The following KAT2B variants were observed in gnomAD, a reference collection of about 807,000 sequenced individuals.
KAT2B encodes the protein lysine acetyltransferase 2B, also known as histone acetyltransferase KAT2B.
In KAT2B, 36 loss-of-function variants were observed where a neutral mutation model predicts 105.9. The observed-to-expected ratio is 0.34, with a 90% CI of 0.26 to 0.45. The LOEUF is 0.45. Among genes scored for constraint, KAT2B ranks in the 20% least tolerant of loss-of-function variants. The pLI, the probability that KAT2B is intolerant of heterozygous loss-of-function variation, is 1.00. For synonymous variants in KAT2B, 397 were observed against 377.9 expected (o/e 1.05, Z -0.59); for missense variants, 820 against 1,021.6 (o/e 0.80, Z 2.69).
chr3:20,083,232 T>C (rs1298239975), intron 2 of KAT2B, among the ~76,000 whole-genome samples: 2 of 149,910 alleles, frequency 1.3e-5, no homozygotes, highest in African/African-American at 5.1e-5. Flanking sequence ...TTGTAGTTTA[T>C]AGATTTTTAT....
intron 7 of KAT2B, among the ~76,000 whole-genome samples, chr3:20,117,421 A>G (rs574182836): frequency 6.6e-6 from 1 of 152,346 alleles, no homozygotes; most frequent in South Asian, 2.1e-4. Context: ...TGACATTCAT[A>G]AGGATGAACC....
chr3:20,107,396 G>A (rs1310846409), intron 5 of KAT2B, among the ~76,000 whole-genome samples: 1 of 151,226 alleles, frequency 6.6e-6, no homozygotes, highest in Non-Finnish European at 1.5e-5. Flanking sequence ...GGTGGCCCAC[G>A]CCAGTAATCC....
At chr3:20,118,017 G>A (rs1011945779) in intron 7 of KAT2B, among the ~76,000 whole-genome samples, 16 of 151,630 alleles carry the variant, frequency 1.1e-4, no homozygotes, top group African/African-American at 3.9e-4. Flanking sequence ...GCTTTACCTG[G>A]TTATAAACCA....
intron 2 of KAT2B, among the ~76,000 whole-genome samples, chr3:20,083,089 C>CT (rs1210660190): frequency 1.3e-5 from 2 of 152,184 alleles, no homozygotes; most frequent in African/African-American, 4.8e-5. Flanking sequence ...TAGTCTCTCA[C>CT]TACTGATACA....
At chr3:20,082,437 G>A in intron 2 of KAT2B, among the ~76,000 whole-genome samples, 1 of 152,110 alleles carries the variant, frequency 6.6e-6, no homozygotes, top group Admixed American at 6.5e-5. Flanking sequence ...AATTTTATCT[G>A]TTGACCCAAA....
intron 1 of KAT2B, among the ~76,000 whole-genome samples, chr3:20,071,129 C>T (rs1277296827): frequency 9.2e-5 from 14 of 151,946 alleles, no homozygotes; most frequent in Non-Finnish European, 2.9e-5. Context: ...CATATAATTT[C>T]AATATGTAAT....
Position 20,147,996 on chromosome 3 carries a change from A to C in KAT2B, c.2153A>C (p.Lys718Thr). 6.2e-7 allele frequency: 1 copy of C among 1,613,650 alleles called. No homozygotes were observed. The highest frequency in any genetic ancestry group is 8.5e-7 in the Non-Finnish European group (1 of 1,179,680). The change falls in exon 15 of 18, where the codon AAA becomes ACA. Residue 718 changes from lysine (K) to threonine (T), a missense_variant. By Grantham distance (78) the Lys-to-Thr change is moderately conservative. This residue lies in a region of KAT2B where 227 missense variants were observed against 292.9 expected (regional missense o/e 0.77). Coordinates refer to ENST00000263754, the MANE Select transcript of KAT2B (RefSeq NM_003884.5). The part of the protein sequence containing the change: ...ETGWKPSGKE[K>T]SKEPRDPDQL... The stretch of plus-strand genomic sequence containing the variant: ...GGCTGGAAACCGAGTGGAAAAGAGA[A>C]AAGGTAAGTATGACGGGCAAGAGGA...
chr3:20,102,314 A>T (rs977538417), intron 5 of KAT2B, among the ~76,000 whole-genome samples: 36 of 152,038 alleles, frequency 2.4e-4, no homozygotes, highest in Admixed American at 1.1e-3. Context: ...CAAAAAAAAA[A>T]TTTTTTTTAA....
chr3:20,130,827 T>C (rs553434292), intron 11 of KAT2B, among the ~76,000 whole-genome samples: 2 of 151,066 alleles, frequency 1.3e-5, no homozygotes, highest in African/African-American at 2.4e-5. Context: ...GATTAGTCTT[T>C]CAAAACAAAA....
chr3:20,150,864 T>C (rs1328093117), intron 17 of KAT2B, among the ~76,000 whole-genome samples: 2 of 144,978 alleles, frequency 1.4e-5, no homozygotes, highest in Non-Finnish European at 3.0e-5. Flanking sequence ...TGTCATCCTT[T>C]TACTCCCCCT....
At chr3:20,091,022 G>A (rs1211834287) in intron 2 of KAT2B, among the ~76,000 whole-genome samples, 1 of 152,180 alleles carries the variant, frequency 6.6e-6, no homozygotes, top group African/African-American at 2.4e-5. Context: ...GAAGTGCTGG[G>A]ATTATAGGCA....
intron 17 of KAT2B, 84 bp from the exon 18 acceptor site, chr3:20,152,248 C>T (rs151068697): frequency 5.7e-6 from 5 of 871,554 alleles, no homozygotes; most frequent in Non-Finnish European, 8.8e-6. Flanking sequence ...AAACCAACAA[C>T]ATAGATTCCT....
In KAT2B at chr3:20,152,588, G is replaced by GT. The variant is rs1415603546; in HGVS notation, c.*69dup. On this transcript the variant is annotated 3_prime_UTR_variant, in exon 18 of 18. Coordinates refer to ENST00000263754, the MANE Select transcript of KAT2B (RefSeq NM_003884.5). ...AGTGTGCCTAAAGCAAGGTGGTTTAGTTTTTTACAAAGAATTGGACATGAT... is the reference window on the plus strand; with the variant it reads ...AGTGTGCCTAAAGCAAGGTGGTTTAGTTTTTTTACAAAGAATTGGACATGAT... 49 of 1,336,208 alleles carry GT rather than the reference G, an allele frequency of 3.7e-5. No homozygotes were observed. Among genetic ancestry groups the GT allele is most frequent in the Non-Finnish European group, 4.9e-5 (47 of 954,086 alleles). The allele number at this position is 1,336,208 out of a possible 1,614,324, so 82.8% of individuals were successfully genotyped here.
At chr3:20,054,388 A>G (rs967269799) in intron 1 of KAT2B, among the ~76,000 whole-genome samples, 31 of 152,262 alleles carry the variant, frequency 2.0e-4, no homozygotes, top group African/African-American at 6.0e-4. Flanking sequence ...CGGCCTTCCA[A>G]AGTGCTGGGA....
chr3:20,077,030 G>C (rs1986917), intron 2 of KAT2B, among the ~76,000 whole-genome samples: 55,647 of 152,030 alleles, frequency 0.37, 10,455 homozygotes, highest in East Asian at 0.47. Context: ...CTTTGGAGCT[G>C]TGGTTTTGTG....
At chr3:20,147,936 T>G in intron 14 of KAT2B, 27 bp from the exon 15 acceptor site, 1 of 1,609,704 alleles carries the variant, frequency 6.2e-7, no homozygotes, top group Non-Finnish European at 8.5e-7. Flanking sequence ...CACTTCTCAT[T>G]CAGTGTTTCA....
At chr3:20,124,307 A>G (rs1699361563) in intron 9 of KAT2B, among the ~76,000 whole-genome samples, 1 of 152,162 alleles carries the variant, frequency 6.6e-6, no homozygotes, top group African/African-American at 2.4e-5. Context: ...TCACAGTTCC[A>G]CAGACTGTAC....
chr3:20,043,704 A>C (rs1303662689), intron 1 of KAT2B, among the ~76,000 whole-genome samples: 1 of 147,858 alleles, frequency 6.8e-6, no homozygotes, highest in Admixed American at 6.8e-5. Context: ...CTGGAGAGTG[A>C]CATTATCTCA....
intron 5 of KAT2B, among the ~76,000 whole-genome samples, chr3:20,105,547 C>T (rs1698984935): frequency 1.3e-5 from 2 of 152,004 alleles, no homozygotes; most frequent in East Asian, 1.9e-4. Flanking sequence ...GAGGCTGAGG[C>T]GAGAGGATCG....
Sources: allele counts gnomAD v4.1 joint callset (sites outside exome capture counted in the v4.1 genomes callset), GRCh38; gene constraint gnomAD v4.1.1; regional missense constraint gnomAD v4.1.1; transcripts MANE v1.5; gene names NCBI Gene and HGNC (gene_info 2026-07-23, HGNC 2026-07-21).